Variants in TESMIN observed in about 807,000 individuals in gnomAD.
The protein encoded by TESMIN is CXC domain containing 2.
TESMIN carries 34 observed loss-of-function variants against 47.4 expected under a neutral mutation model. The observed-to-expected ratio is 0.72, with a 90% CI of 0.55 to 0.96. The LOEUF is 0.96. TESMIN is among the 40% of genes least tolerant of loss of function. The pLI, the probability that TESMIN is intolerant of heterozygous loss-of-function variation, is 0.00. For synonymous variants in TESMIN, 278 were observed against 258.9 expected (o/e 1.07, Z -0.71); for missense variants, 610 against 637.2 (o/e 0.96, Z 0.46).
At position 68,708,243 on chromosome 11, in the gene TESMIN, A is replaced by G; in HGVS notation, c.*65T>C. On this transcript the variant is annotated 3_prime_UTR_variant, in exon 10 of 10. Transcript: ENST00000255087. The stretch of plus-strand genomic sequence containing the variant: ...CAGAGCCAGCCTCATGTTCCCCTAA[A>G]CATCCTTTCTAAACTAGAGATTTCT... The G allele has an allele frequency of 1.4e-6, 2 of 1,466,788 alleles. No homozygotes were observed. The highest frequency in any genetic ancestry group is 1.8e-6 in the Non-Finnish European group (2 of 1,083,374). 90.9% of individuals were successfully genotyped at this position (1,466,788 alleles called of 1,614,324 possible). A position where few individuals can be genotyped will look rare whatever the true frequency, so the allele number is the denominator to read the frequency against.
chr11:68,737,596 A>G (rs7103254), intron 6 of TESMIN: 611,975 of 985,424 alleles, frequency 0.62, 190,977 homozygotes, highest in East Asian at 0.79. Flanking sequence ...GGCCCAGGGT[A>G]TGTGTTTGCC....
intron 5 of TESMIN, 32 bp downstream of exon 5, chr11:68,742,286 A>G: frequency 7.4e-7 from 1 of 1,354,752 alleles, no homozygotes. Flanking sequence ...ATAATGCAAA[A>G]TTGTATTTTT....
downstream of TESMIN, among the ~76,000 whole-genome samples, chr11:68,705,565 C>T (rs1246077263): frequency 6.6e-6 from 1 of 152,142 alleles, no homozygotes; most frequent in African/African-American, 2.4e-5. Flanking sequence ...CAGGAAAGAG[C>T]GATTTCAGCG....
intron 6 of TESMIN, among the ~76,000 whole-genome samples, chr11:68,722,737 C>T (rs1014940686): frequency 2.0e-5 from 3 of 152,160 alleles, no homozygotes; most frequent in Non-Finnish European, 4.4e-5. Context: ...CTCACTAATA[C>T]TGCACTAGAG....
At chr11:68,711,275 AAG>A (rs934300773) in intron 8 of TESMIN, among the ~76,000 whole-genome samples, 22 of 143,186 alleles carry the variant, frequency 1.5e-4, no homozygotes, top group African/African-American at 5.5e-4. Flanking sequence ...GTGAATGTGT[AAG>A]AGTGTGTGTG....
At position 68,750,472 on chromosome 11, in the gene TESMIN, G is replaced by A. The variant is rs1251474638; in HGVS notation, c.189C>T (p.Val63=). ...YLGPADPKEP[V]LHAFNPALGA... The stretch of plus-strand genomic sequence containing the variant: ...CCAGCGCGGGGTTGAACGCGTGCAG[G>A]ACGGGTTCCTTGGGGTCCGCCGGGC... Residue 63 remains valine, a synonymous_variant, in exon 2 of 10, where the codon GTC becomes GTT. Coordinates refer to ENST00000255087, the MANE Select transcript of TESMIN (RefSeq NM_004923.3). 1.9e-5 allele frequency: 31 copies of A among 1,601,150 alleles called. No individual in the cohort carries two copies. The highest frequency in any genetic ancestry group is 2.6e-5 in the Non-Finnish European group (31 of 1,174,344).
chr11:68,717,025 C>T (rs895777773), intron 6 of TESMIN, among the ~76,000 whole-genome samples: 2 of 152,184 alleles, frequency 1.3e-5, no homozygotes, highest in African/African-American at 2.4e-5. Context: ...AGTCCCAAAG[C>T]GCTGCTGAGG....
At chr11:68,734,356 T>C (rs1288652064) in intron 6 of TESMIN, among the ~76,000 whole-genome samples, 2 of 152,254 alleles carry the variant, frequency 1.3e-5, no homozygotes, top group East Asian at 1.9e-4. Flanking sequence ...TGTTGCTAAA[T>C]GTGAGGGCAG....
chr11:68,715,733 A>G (rs1946128947), intron 7 of TESMIN, 104 bp downstream of exon 7: 2 of 825,600 alleles, frequency 2.4e-6, no homozygotes, highest in Non-Finnish European at 3.8e-6. Flanking sequence ...ATTCTTCAAA[A>G]CTGTGGGTTT....
chr11:68,747,579 G>A (rs1946538235), intron 2 of TESMIN, among the ~76,000 whole-genome samples: 1 of 152,190 alleles, frequency 6.6e-6, no homozygotes, highest in Non-Finnish European at 1.5e-5. Context: ...AGCTGAGACA[G>A]TGCCATTGCA....
At chr11:68,733,201 A>T (rs147041788) in intron 6 of TESMIN, among the ~76,000 whole-genome samples, 2 of 152,306 alleles carry the variant, frequency 1.3e-5, no homozygotes, top group African/African-American at 4.8e-5. Context: ...CCACGTGACA[A>T]TTGGCCCTAC....
intron 7 of TESMIN, among the ~76,000 whole-genome samples, chr11:68,714,859 C>T (rs34545260): frequency 8.2e-4 from 125 of 152,256 alleles, no homozygotes; most frequent in Non-Finnish European, 1.6e-3. Flanking sequence ...AGTGGTTGTG[C>T]CCCTTTATAT....
At chr11:68,738,272 A>G in intron 6 of TESMIN, 3 of 999,556 alleles carry the variant, frequency 3.0e-6, no homozygotes, top group Non-Finnish European at 3.6e-6. Context: ...CTCAGCATGG[A>G]AGGCAGCGGG....
intron 6 of TESMIN, chr11:68,732,502 C>G (rs1046169977): frequency 6.5e-6 from 1 of 153,118 alleles, no homozygotes; most frequent in African/African-American, 2.4e-5. Context: ...TCCCCAGGAG[C>G]CCACCACCCT....
At chr11:68,735,921 C>T (rs1158687109) in intron 6 of TESMIN, among the ~76,000 whole-genome samples, 6 of 152,238 alleles carry the variant, frequency 3.9e-5, no homozygotes, top group Admixed American at 2.0e-4. Flanking sequence ...GGAATGAGCA[C>T]GGAGTGCAGG....
At chr11:68,739,485 C>G (rs547386760) in intron 5 of TESMIN, among the ~76,000 whole-genome samples, 1 of 152,344 alleles carries the variant, frequency 6.6e-6, no homozygotes, top group Admixed American at 6.5e-5. Context: ...CACAATTAAA[C>G]CTCATATCCT....
intron 2 of TESMIN, 91 bp from the exon 3 acceptor site, chr11:68,747,457 A>G: frequency 8.6e-7 from 1 of 1,163,988 alleles, no homozygotes; most frequent in Non-Finnish European, 1.3e-6. Flanking sequence ...CTCAGTGATA[A>G]GTAGAAGTTA....
intron 6 of TESMIN, among the ~76,000 whole-genome samples, chr11:68,717,405 G>T (rs1024882958): frequency 2.6e-5 from 4 of 151,962 alleles, no homozygotes; most frequent in African/African-American, 4.8e-5. Flanking sequence ...TCCCTGAAAG[G>T]CGAGCTCCCC....
intron 6 of TESMIN, among the ~76,000 whole-genome samples, chr11:68,718,906 A>G (rs1024892238): frequency 1.3e-5 from 2 of 152,226 alleles, no homozygotes; most frequent in Non-Finnish European, 2.9e-5. Flanking sequence ...AGGATAGACT[A>G]AGACATTTTT....
Sources: allele counts gnomAD v4.1 joint callset (sites outside exome capture counted in the v4.1 genomes callset), GRCh38; gene constraint gnomAD v4.1.1; transcripts MANE v1.5; gene names NCBI Gene and HGNC (gene_info 2026-07-23, HGNC 2026-07-21).